The following DNAJC5B variants were observed in gnomAD, a reference collection of about 807,000 sequenced individuals.
DNAJC5B encodes the protein DnaJ heat shock protein family (Hsp40) member C5 beta.
Under a neutral mutation model 24.7 loss-of-function variants are expected in DNAJC5B, and 23 were observed. That is an observed-to-expected ratio of 0.93 (90% CI 0.67 to 1.32). The LOEUF is 1.32. Ranked by LOEUF, DNAJC5B falls within the 40% of genes most tolerant of loss-of-function variation. DNAJC5B has a pLI of 0.00. For synonymous variants in DNAJC5B, 101 were observed against 90.1 expected, an observed-to-expected ratio of 1.12 and a Z score of -0.68; for missense variants, 238 against 240.8, an observed-to-expected ratio of 0.99 and a Z score of 0.08.
chr8:66,069,170 A>G (rs936682669), intron 3 of DNAJC5B, among the ~76,000 whole-genome samples: 7 of 152,048 alleles, frequency 4.6e-5, no homozygotes, highest in African/African-American at 1.7e-4. Context: ...AAGAAATATG[A>G]GTATATTTTA....
chr8:66,064,609 G>T (rs1358043226), intron 3 of DNAJC5B, among the ~76,000 whole-genome samples: 1 of 152,198 alleles, frequency 6.6e-6, no homozygotes, highest in South Asian at 2.1e-4. Context: ...AATAAAGTTA[G>T]ATGCCCAGAA....
At chr8:66,060,618 G>T (rs991167686) in intron 3 of DNAJC5B, among the ~76,000 whole-genome samples, 1 of 152,230 alleles carries the variant, frequency 6.6e-6, no homozygotes, top group African/African-American at 2.4e-5. Context: ...AGAACTGTGG[G>T]TGTGTGATTA....
At chr8:66,092,023 T>C (rs1311104058) in intron 5 of DNAJC5B, among the ~76,000 whole-genome samples, 1 of 152,080 alleles carries the variant, frequency 6.6e-6, no homozygotes, top group Non-Finnish European at 1.5e-5. Flanking sequence ...GCAGGAAGAA[T>C]AGGGAGCAAC....
In DNAJC5B at chr8:66,027,891, C is replaced by A. The variant is rs537112554; in HGVS notation, c.-142+6186C>A. 4.6e-5 allele frequency among the ~76,000 whole-genome samples: 7 copies of A among 152,276 alleles called. No individual in the cohort carries two copies. The South Asian group carries it at 6.2e-4, about 14-fold the overall frequency. ...TTTGTATTTTTGAAAACTTAATATG[C>A]ACCTGGGACTGTACTAGGCACTGTG... is the stretch of plus-strand genomic sequence containing the variant. On this transcript the variant is annotated intron_variant, in intron 1 of 5. Coordinates refer to ENST00000276570, the MANE Select transcript of DNAJC5B (RefSeq NM_033105.6).
At chr8:66,091,648 A>T (rs1016114766) in intron 5 of DNAJC5B, among the ~76,000 whole-genome samples, 1 of 152,192 alleles carries the variant, frequency 6.6e-6, no homozygotes, top group Non-Finnish European at 1.5e-5. Context: ...ATATGCTTAG[A>T]CAAAGGTTCA....
chr8:66,038,244 A>G (rs1806531609), intron 1 of DNAJC5B, among the ~76,000 whole-genome samples: 2 of 152,242 alleles, frequency 1.3e-5, no homozygotes, highest in Admixed American at 1.3e-4. Context: ...TATTAATAAT[A>G]TCAAATAATG....
chr8:66,035,868 G>A (rs1806472502), intron 1 of DNAJC5B, among the ~76,000 whole-genome samples: 2 of 152,122 alleles, frequency 1.3e-5, no homozygotes, highest in South Asian at 4.1e-4. Flanking sequence ...CCCTGTCTCT[G>A]CTCCTAGGGG....
In DNAJC5B at chr8:66,023,551, C is replaced by T. The variant is rs1209866733; in HGVS notation, c.-142+1846C>T. 2.0e-5 allele frequency among the ~76,000 whole-genome samples: 3 copies of T among 152,094 alleles called. No individual in the cohort carries two copies. In the East Asian group the frequency reaches 5.8e-4, roughly 29 times the overall value. On this transcript the variant is annotated intron_variant, in intron 1 of 5. Transcript: ENST00000276570. ...ATGTATACAATTTACCAGATTTTTA[C>T]TTTATAATAAATATACGGTCTTCCT...
At chr8:66,066,315 G>A (rs190636387) in intron 3 of DNAJC5B, among the ~76,000 whole-genome samples, 2 of 152,274 alleles carry the variant, frequency 1.3e-5, no homozygotes, top group East Asian at 3.9e-4. Context: ...ATGGAAGACA[G>A]CATTGAGATT....
intron 3 of DNAJC5B, among the ~76,000 whole-genome samples, chr8:66,061,953 C>T (rs1274444586): frequency 1.3e-5 from 2 of 151,980 alleles, no homozygotes; most frequent in East Asian, 3.9e-4. Context: ...GAGTGGCAGC[C>T]TGTGGGGGCG....
chr8:66,048,049 A>G (rs978202211), intron 2 of DNAJC5B, among the ~76,000 whole-genome samples: 11 of 152,138 alleles, frequency 7.2e-5, no homozygotes, highest in African/African-American at 2.7e-4. Flanking sequence ...AGTCCACACC[A>G]TGCCCATTTT....
rs141719312 is a variant in DNAJC5B, at chr8:66,088,885, T to G, written c.505+8337T>G. Among the ~76,000 whole-genome samples the G allele has an allele frequency of 4.3e-3, 655 of 152,276 alleles. 4 individuals carry two copies. The highest frequency in any genetic ancestry group is 0.013 in the South Asian group (62 of 4,822). ...CAAGTCTCTAGACAGTTCCAAACTT[T>G]CCCACATCTTCCTGTCTTCTTCAGA... On this transcript the variant is annotated intron_variant, in intron 5 of 5. Transcript: ENST00000276570.
intron 3 of DNAJC5B, chr8:66,057,096 G>A (rs917697291): frequency 6.6e-6 from 1 of 152,096 alleles, no homozygotes; most frequent in East Asian, 1.9e-4. Flanking sequence ...CCGAGATCGC[G>A]CCACTGCACT....
chr8:66,024,355 A>C (rs2128955449), intron 1 of DNAJC5B, among the ~76,000 whole-genome samples: 1 of 151,934 alleles, frequency 6.6e-6, no homozygotes, highest in East Asian at 1.9e-4. Flanking sequence ...TGCAGAAGAA[A>C]GCTAATTGTG....
intron 5 of DNAJC5B, among the ~76,000 whole-genome samples, chr8:66,081,201 A>G (rs1041566483): frequency 2.6e-5 from 4 of 152,162 alleles, no homozygotes; most frequent in Non-Finnish European, 4.4e-5. Context: ...AAATGAAAAA[A>G]TTTTAAAAAT....
the DNAJC5B span, among the ~76,000 whole-genome samples, chr8:66,016,428 C>T: frequency 4.6e-5 from 7 of 152,096 alleles, no homozygotes; most frequent in African/African-American, 4.8e-5. Flanking sequence ...CCACTCGCTC[C>T]GTTCTGCCAC....
intron 3 of DNAJC5B, among the ~76,000 whole-genome samples, chr8:66,072,054 T>TG (rs1169966891): frequency 1.7e-4 from 4 of 23,898 alleles, no homozygotes; most frequent in Non-Finnish European, 2.5e-4. Context: ...TGTCAGGGGG[T>TG]GGGGGGGTAG....
the DNAJC5B span, among the ~76,000 whole-genome samples, chr8:66,016,505 C>A: frequency 1.9e-4 from 29 of 152,178 alleles, no homozygotes; most frequent in Non-Finnish European, 3.7e-4. Context: ...GAGGCCTCCC[C>A]AGCAATGCAG....
intron 3 of DNAJC5B, among the ~76,000 whole-genome samples, chr8:66,066,053 T>G (rs1490896231): frequency 1.3e-5 from 2 of 152,196 alleles, no homozygotes; most frequent in African/African-American, 4.8e-5. Context: ...TCAGGCTATT[T>G]TTTAGATAAT....
Sources: allele counts gnomAD v4.1 joint callset (sites outside exome capture counted in the v4.1 genomes callset), GRCh38; gene constraint gnomAD v4.1.1; transcripts MANE v1.5; gene names NCBI Gene and HGNC (gene_info 2026-07-23, HGNC 2026-07-21).